Variants in ENOX1 observed in about 807,000 individuals in gnomAD.
The protein encoded by ENOX1 is candidate growth-related and time keeping constitutive hydroquinone (NADH) oxidase.
A neutral mutation model predicts 82.5 loss-of-function variants in ENOX1; 42 were observed. The observed-to-expected ratio is 0.51, with a 90% confidence interval of 0.40 to 0.66. The LOEUF (loss-of-function observed/expected upper bound fraction) is 0.66. ENOX1 is among the 30% of genes least tolerant of loss of function. The probability of loss-of-function intolerance (pLI) is 0.00; values close to 1 mark genes in which losing one functional copy is unlikely to be tolerated. For synonymous variants in ENOX1, 271 were observed against 282.2 expected, an observed-to-expected ratio of 0.96 and a Z score of 0.40; for missense variants, 608 against 811.6, an observed-to-expected ratio of 0.75 and a Z score of 3.05.
intron 11 of ENOX1, among the ~76,000 whole-genome samples, chr13:43,301,682 T>C (rs2046585507): frequency 6.6e-6 from 1 of 152,080 alleles, no homozygotes. Flanking sequence ...ATTTCAAGCT[T>C]GGTTTTTACA....
chr13:43,665,884 A>G (rs2084953112), intron 2 of ENOX1, among the ~76,000 whole-genome samples: 1 of 149,576 alleles, frequency 6.7e-6, no homozygotes, highest in Admixed American at 6.7e-5. Flanking sequence ...AGTCCTTGCC[A>G]TTCGCTAATT....
chr13:43,402,490 T>C lies in ENOX1; in HGVS notation c.208+9426A>G, dbSNP rs570120434. Among the ~76,000 whole-genome samples, 6 of 152,312 alleles carry C rather than the reference T, an allele frequency of 3.9e-5. No individual in the cohort carries two copies. The South Asian group carries it at 1.0e-3, about 26-fold the overall frequency. On this transcript the variant is annotated intron_variant, in intron 5 of 16. Coordinates refer to ENST00000690772, the MANE Select transcript of ENOX1 (RefSeq NM_001347969.2). ...AATGATAGAGGAAATACAAAGATGA[T>C]TAGCTACAGTTCTTTCCCATAGAAG...
intron 3 of ENOX1, among the ~76,000 whole-genome samples, chr13:43,436,862 GGA>G (rs2056062855): frequency 1.3e-5 from 2 of 151,996 alleles, no homozygotes; most frequent in African/African-American, 2.4e-5. Context: ...TTCTATAACT[GGA>G]TAGTCATAAT....
chr13:43,474,429 A>C (rs2058196953), intron 3 of ENOX1, among the ~76,000 whole-genome samples: 1 of 152,156 alleles, frequency 6.6e-6, no homozygotes, highest in African/African-American at 2.4e-5. Context: ...TTAAGAGCAC[A>C]CTTGAAATTT....
intron 3 of ENOX1, among the ~76,000 whole-genome samples, chr13:43,414,340 A>G (rs549693570): frequency 6.6e-6 from 1 of 152,288 alleles, no homozygotes; most frequent in African/African-American, 2.4e-5. Flanking sequence ...AGGAAGATGA[A>G]TCATCATCAT....
intron 5 of ENOX1, among the ~76,000 whole-genome samples, chr13:43,369,846 G>C (rs1183242730): frequency 6.6e-6 from 1 of 152,184 alleles, no homozygotes; most frequent in Non-Finnish European, 1.5e-5. Flanking sequence ...GCCACATTTG[G>C]AAGGTGAACC....
intron 2 of ENOX1, among the ~76,000 whole-genome samples, chr13:43,643,817 A>C (rs2083772342): frequency 1.3e-5 from 2 of 152,146 alleles, no homozygotes; most frequent in African/African-American, 4.8e-5. Context: ...GTTAATGCTG[A>C]AACACATTAA....
intron 11 of ENOX1, among the ~76,000 whole-genome samples, chr13:43,313,424 T>C (rs985767618): frequency 1.3e-5 from 2 of 152,246 alleles, no homozygotes; most frequent in African/African-American, 4.8e-5. Context: ...TAGTTACTAT[T>C]CCTTACTATT....
chr13:43,463,696 A>G (rs1374966303), intron 3 of ENOX1, among the ~76,000 whole-genome samples: 1 of 152,246 alleles, frequency 6.6e-6, no homozygotes, highest in Non-Finnish European at 1.5e-5. Context: ...TGTTGTACAC[A>G]TGCCGGCTGA....
intron 1 of ENOX1, among the ~76,000 whole-genome samples, chr13:43,692,513 A>G (rs1336792474): frequency 1.3e-5 from 2 of 152,180 alleles, no homozygotes; most frequent in Non-Finnish European, 2.9e-5. Context: ...AGAAAACTGC[A>G]TATTTAGCAC....
intron 3 of ENOX1, among the ~76,000 whole-genome samples, chr13:43,472,322 C>T (rs1025623997): frequency 6.6e-6 from 1 of 152,082 alleles, no homozygotes; most frequent in African/African-American, 2.4e-5. Flanking sequence ...TTTGTTAAAA[C>T]AATTGTTATG....
At chr13:43,449,242 G>A (rs2056824438) in intron 3 of ENOX1, among the ~76,000 whole-genome samples, 1 of 152,182 alleles carries the variant, frequency 6.6e-6, no homozygotes, top group Admixed American at 6.5e-5. Flanking sequence ...TTTCCAGTGT[G>A]AGACTCCCTT....
chr13:43,702,878 G>A (rs1244615693), intron 1 of ENOX1, among the ~76,000 whole-genome samples: 5 of 148,006 alleles, frequency 3.4e-5, no homozygotes, highest in South Asian at 2.1e-4. Context: ...GCTTGAAGCC[G>A]GGAGGCAGAG....
chr13:43,609,444 TA>T (rs1478545705), intron 2 of ENOX1, among the ~76,000 whole-genome samples: 1 of 152,250 alleles, frequency 6.6e-6, no homozygotes, highest in Non-Finnish European at 1.5e-5. Flanking sequence ...GTACAATGAA[TA>T]ATTCTGGATG....
intron 3 of ENOX1, among the ~76,000 whole-genome samples, chr13:43,434,198 G>A (rs1399049834): frequency 6.6e-6 from 1 of 152,200 alleles, no homozygotes; most frequent in Non-Finnish European, 1.5e-5. Flanking sequence ...AGAAATACCT[G>A]ACCCTGCTCA....
intron 2 of ENOX1, among the ~76,000 whole-genome samples, chr13:43,511,985 A>C (rs2077386861): frequency 1.3e-5 from 2 of 152,100 alleles, no homozygotes; most frequent in South Asian, 4.1e-4. Context: ...CACTATGGAC[A>C]ATATATATAG....
In ENOX1 at chr13:43,415,232, G is replaced by GTTTT. The variant is rs71202260; in HGVS notation, c.-74-2248_-74-2245dup. On this transcript the variant is annotated intron_variant, in intron 3 of 16. Transcript: ENST00000690772. ...CATCTCTTCAGTCTCCCAATCCAAT[G>GTTTT]TTTTTTTTTTTTTTTTTTTTTTTTT... is the stretch of plus-strand genomic sequence containing the variant. Among the ~76,000 whole-genome samples, 13 of 54,626 alleles carry GTTTT rather than the reference G, an allele frequency of 2.4e-4. 1 individual carries two copies. Among genetic ancestry groups the GTTTT allele is most frequent in the Non-Finnish European group, 1.3e-4 (4 of 32,000 alleles). 35.8% of individuals were successfully genotyped at this position (54,626 alleles called of 152,430 possible). A position where few individuals can be genotyped will look rare whatever the true frequency, so the allele number is the denominator to read the frequency against.
rs1566641081 is a variant in ENOX1, at chr13:43,616,134, C to CTATATATATAGA, written c.-219+51344_-219+51345insTCTATATATATA. Among the ~76,000 whole-genome samples the CTATATATATAGA allele has an allele frequency of 9.4e-4, 17 of 18,050 alleles. 2 individuals are homozygous for CTATATATATAGA. Among genetic ancestry groups the CTATATATATAGA allele is most frequent in the East Asian group, 3.1e-3 (1 of 324 alleles). The allele number at this position is 18,050 out of a possible 152,430, so 11.8% of individuals were successfully genotyped here. ...TATCTATAGATCTATAGATATCTAT[C>CTATATATATAGA]TATCTAGATATCTATATAGATAGAT... On this transcript the variant is annotated intron_variant, in intron 2 of 16. Coordinates refer to ENST00000690772, the MANE Select transcript of ENOX1 (RefSeq NM_001347969.2).
chr13:43,215,389 G>C (rs2041419457), intron 16 of ENOX1, among the ~76,000 whole-genome samples: 1 of 152,188 alleles, frequency 6.6e-6, no homozygotes, highest in African/African-American at 2.4e-5. Flanking sequence ...CACCATATTA[G>C]ATGGATGGTT....
Sources: gnomAD v4.1 joint callset for allele counts (sites outside exome capture counted in the v4.1 genomes callset) on GRCh38, gnomAD v4.1.1 for gene constraint, MANE v1.5 for transcripts, NCBI Gene and HGNC (gene_info 2026-07-23, HGNC 2026-07-21) for gene names.